POU2F2: variants seen among roughly 807,000 people sequenced by gnomAD.
POU2F2 encodes the protein POU class 2 homeobox 2.
POU2F2 carries 14 observed loss-of-function variants against 63.5 expected under a neutral mutation model. The ratio of observed to expected loss-of-function variants is 0.22; its 90% CI spans 0.15 to 0.34. POU2F2 has a LOEUF of 0.34. Ranked by LOEUF, POU2F2 falls within the 10% of genes least tolerant of loss-of-function variation. The probability of loss-of-function intolerance (pLI) is 1.00; values close to 1 mark genes in which losing one functional copy is unlikely to be tolerated. For synonymous variants in POU2F2, 306 were observed against 348.6 expected (o/e 0.88, Z 1.36); for missense variants, 607 against 815.2 (o/e 0.74, Z 3.11).
chr19:42,157,963 C>T (rs927032325), intron 2 of POU2F2, among the ~76,000 whole-genome samples: 7 of 152,264 alleles, frequency 4.6e-5, no homozygotes, highest in African/African-American at 1.7e-4. Context: ...GCTCCAGCTC[C>T]CACATAGAGC....
intron 4 of POU2F2, among the ~76,000 whole-genome samples, chr19:42,118,867 G>A (rs1332095833): frequency 6.6e-6 from 1 of 152,226 alleles, no homozygotes; most frequent in Non-Finnish European, 1.5e-5. Flanking sequence ...TGGGCAAAAT[G>A]ACACAGTGTG....
chr19:42,188,514 T>C (rs1444086395), intron 1 of POU2F2, among the ~76,000 whole-genome samples: 1 of 149,004 alleles, frequency 6.7e-6, no homozygotes, highest in Non-Finnish European at 1.5e-5. Context: ...CTACTAAAAA[T>C]ACAAAAATTA....
At chr19:42,179,407 G>A (rs1169593730), upstream of POU2F2, among the ~76,000 whole-genome samples, 1 of 152,114 alleles carries the variant, frequency 6.6e-6, no homozygotes, top group African/African-American at 2.4e-5. Flanking sequence ...CAGGGTCTTG[G>A]GAGGGTGCAT....
intron 1 of POU2F2, among the ~76,000 whole-genome samples, chr19:42,126,165 G>T: frequency 6.6e-6 from 1 of 152,080 alleles, no homozygotes; most frequent in South Asian, 2.1e-4. Flanking sequence ...AGAAGAGGGG[G>T]CGGGCGCGGT....
At position 42,156,530 on chromosome 19, in the gene POU2F2, C is replaced by T. The variant is rs1052020918; in HGVS notation, c.-9+3802G>A. ...CACACGGCCATAGCCCACCAGCATC[C>T]CAGAGCTGCCTCTACACTAAAGCTC... is the stretch of plus-strand genomic sequence containing the variant. On this transcript the variant is annotated intron_variant, in intron 2 of 6. Coordinates refer to the POU2F2 transcript ENST00000524801. The surrounding 1 kb of genome is among the most constrained non-coding windows in gnomAD (Gnocchi z 4.1). 7.8e-5 allele frequency: 12 copies of T among 152,942 alleles called. No homozygotes were observed. The highest frequency in any genetic ancestry group is 1.6e-4 in the Non-Finnish European group (11 of 68,428). 9.5% of individuals were successfully genotyped at this position (152,942 alleles called of 1,614,324 possible).
chr19:42,103,799 AT>A (rs2077234007), intron 5 of POU2F2, among the ~76,000 whole-genome samples: 1 of 151,618 alleles, frequency 6.6e-6, no homozygotes, highest in Non-Finnish European at 1.5e-5. Context: ...CGCCTGGCTA[AT>A]TTTTTTGTAT....
At chr19:42,122,416 C>T (rs1351803870) in intron 2 of POU2F2, 38 bp from the exon 3 acceptor site, 2 of 1,612,174 alleles carry the variant, frequency 1.2e-6, no homozygotes, top group East Asian at 2.2e-5. Context: ...TCATCAGCCA[C>T]CCCCACCACA....
intron 1 of POU2F2, among the ~76,000 whole-genome samples, chr19:42,183,725 T>C (rs2146818088): frequency 6.6e-6 from 1 of 152,260 alleles, no homozygotes; most frequent in Non-Finnish European, 1.5e-5. Flanking sequence ...GAAGAGGTGA[T>C]GCCTGAGATA....
rs570724146 is a variant in POU2F2 at position 42,113,390 on chromosome 19, T to C, written c.369+3860A>G. Among the ~76,000 whole-genome samples the C allele has an allele frequency of 1.2e-4, 19 of 152,252 alleles. No homozygotes were observed. In the South Asian group the frequency reaches 3.7e-3, roughly 30 times the overall value. On this transcript the variant is annotated intron_variant, in intron 5 of 14. Transcript: ENST00000692977. ...CGGCAGAAGGCAGCACACTGAGCAATGGACAGACAAATTATAGAACTGTAT... is the reference window on the plus strand; with the variant it reads ...CGGCAGAAGGCAGCACACTGAGCAACGGACAGACAAATTATAGAACTGTAT...
At chr19:42,139,994 G>A (rs2034094996) in intron 2 of POU2F2, among the ~76,000 whole-genome samples, 1 of 152,248 alleles carries the variant, frequency 6.6e-6, no homozygotes, top group Non-Finnish European at 1.5e-5. Context: ...CCAGAGGCTT[G>A]TTGACCCCAA....
chr19:42,141,927 A>C (rs2034136199), intron 2 of POU2F2, among the ~76,000 whole-genome samples: 1 of 152,252 alleles, frequency 6.6e-6, no homozygotes, highest in African/African-American at 2.4e-5. Flanking sequence ...ATTATAATAC[A>C]TTCATACTCA....
chr19:42,092,220 C>T lies in POU2F2; in HGVS notation c.1315G>A (p.Gly439Arg), dbSNP rs1156862686. 6.4e-7 allele frequency: 1 copy of T among 1,570,588 alleles called. No homozygotes were observed. Among genetic ancestry groups the T allele is most frequent in the Admixed American group, 1.9e-5 (1 of 51,518 alleles). ...GCCCCGCCCCCGCCCCCACCCCCTCCAGCTGTCCGGCTGGGGTGGAGCGTC... is the reference window on the plus strand; with the variant it reads ...GCCCCGCCCCCGCCCCCACCCCCTCTAGCTGTCCGGCTGGGGTGGAGCGTC... Reference protein sequence around the residue: ...VGTLHPSRTAGGGGGGGGAAP... With the variant: ...VGTLHPSRTARGGGGGGGAAP... Residue 439 changes from glycine to arginine, a missense_variant, in exon 13 of 15, where the codon GGA becomes AGA. By Grantham distance (125) the Gly-to-Arg change is moderately radical. Transcript: ENST00000692977. The surrounding 1 kb of genome is among the most constrained non-coding windows in gnomAD (Gnocchi z 5.0).
intron 1 of POU2F2, among the ~76,000 whole-genome samples, chr19:42,163,925 T>G (rs1414387083): frequency 6.6e-6 from 1 of 152,030 alleles, no homozygotes. Context: ...TACCATGAAA[T>G]AAAATCATTG....
rs369033935 is a variant in POU2F2 at position 42,159,340 on chromosome 19, T to C, written c.-9+992A>G. 2.1e-4 allele frequency among the ~76,000 whole-genome samples: 32 copies of C among 152,258 alleles called. 1 individual carries two copies. Among genetic ancestry groups the C allele is most frequent in the African/African-American group, 5.3e-4 (22 of 41,564 alleles). On this transcript the variant is annotated intron_variant, in intron 2 of 6. Coordinates refer to the POU2F2 transcript ENST00000524801. ...TTTCAGTCCATCATAGTCCCTACAA[T>C]GCTGGGTTGCAAACCCTGGGCTACA...
rs1273193995 is a variant in POU2F2 at position 42,122,539 on chromosome 19, T to C, written c.66A>G (p.Gln22=). 1 of 1,604,410 alleles carries C rather than the reference T, an allele frequency of 6.2e-7. No homozygotes were observed. The stretch of plus-strand genomic sequence containing the variant: ...TGTGCTCTGATGGGGAGTCCAGACC[T>C]TGCTTCTCGGCCTCCAGGGGCTTAG... ...RMSKPLEAEK[Q]GLDSPSEHTD... Residue 22 remains glutamine, a synonymous_variant, in exon 2 of 15, where the codon CAA becomes CAG. Transcript: ENST00000692977.
chr19:42,148,769 T>A (rs1001991096), intron 2 of POU2F2, among the ~76,000 whole-genome samples: 6 of 144,230 alleles, frequency 4.2e-5, no homozygotes, highest in African/African-American at 1.5e-4. Flanking sequence ...TTGCACGGGT[T>A]CTTCCTCACT....
intron 2 of POU2F2, among the ~76,000 whole-genome samples, chr19:42,146,032 CAAAAA>C (rs1004458482): frequency 1.2e-4 from 6 of 49,774 alleles, no homozygotes; most frequent in Admixed American, 4.0e-4. Context: ...GACTCCGTCT[CAAAAA>C]AAAAAAAAAA....
chr19:42,144,086 C>T (rs1333082102), intron 2 of POU2F2, among the ~76,000 whole-genome samples: 1 of 152,206 alleles, frequency 6.6e-6, no homozygotes, highest in Non-Finnish European at 1.5e-5. Context: ...TTGGATTAAT[C>T]ATAATCCTTG....
At position 42,087,084 on chromosome 19, in the gene POU2F2, A is replaced by G. The variant is rs2076573465; in HGVS notation, c.*4173T>C. 1 of 144,950 alleles carries G rather than the reference A, an allele frequency of 6.9e-6. No homozygotes were observed. The highest frequency in any genetic ancestry group is 1.5e-5 in the Non-Finnish European group (1 of 65,884). The allele number at this position is 144,950 out of a possible 1,614,324, so 9.0% of individuals were successfully genotyped here. On this transcript the variant is annotated 3_prime_UTR_variant, in exon 15 of 15. Coordinates refer to ENST00000692977, the MANE Select transcript of POU2F2 (RefSeq NM_001394376.1). ...TGTATTTTTTTTTATTTTTATTTTT[A>G]ATTTTTTTTCACTTTTTTTCCAACA...
Sources: gnomAD v4.1 joint callset for allele counts (sites outside exome capture counted in the v4.1 genomes callset) on GRCh38, gnomAD v4.1.1 for gene constraint, Gnocchi (gnomAD v3.1) non-coding constraint, MANE v1.5 for transcripts, NCBI Gene and HGNC (gene_info 2026-07-23, HGNC 2026-07-21) for gene names.